Variants in DLC1 observed in about 807,000 individuals in gnomAD.
The protein encoded by DLC1 is DLC1 Rho GTPase activating protein.
Under a neutral mutation model 140.3 loss-of-function variants are expected in DLC1, and 54 were observed. That is an observed-to-expected ratio of 0.38 (90% confidence interval 0.31 to 0.48). The LOEUF is 0.48. Ranked by LOEUF, DLC1 falls within the 20% of genes least tolerant of loss-of-function variation. The pLI is 0.96. For synonymous variants in DLC1, 986 were observed against 728.1 expected, an observed-to-expected ratio of 1.35 and a Z score of -5.70; for missense variants, 2,536 against 1,907.0, an observed-to-expected ratio of 1.33 and a Z score of -6.14.
At chr8:13,465,587 G>T (rs990935172) in intron 2 of DLC1, among the ~76,000 whole-genome samples, 10 of 151,694 alleles carry the variant, frequency 6.6e-5, no homozygotes, top group Admixed American at 6.6e-4. Flanking sequence ...TGGGTTATTT[G>T]TATTTTTTTA....
At chr8:13,350,656 C>T (rs1382707387) in intron 4 of DLC1, among the ~76,000 whole-genome samples, 1 of 152,034 alleles carries the variant, frequency 6.6e-6, no homozygotes, top group Non-Finnish European at 1.5e-5. Flanking sequence ...GCGGAGGTTG[C>T]AGTGAGCCTA....
At chr8:13,194,471 A>C (rs577693024) in intron 5 of DLC1, among the ~76,000 whole-genome samples, 1 of 152,332 alleles carries the variant, frequency 6.6e-6, no homozygotes, top group South Asian at 2.1e-4. Context: ...GTCCTGGAGT[A>C]AAAGAAGGCC....
intron 5 of DLC1, among the ~76,000 whole-genome samples, chr8:13,175,622 C>T (rs75624250): frequency 6.6e-6 from 1 of 152,044 alleles, no homozygotes; most frequent in African/African-American, 2.4e-5. Context: ...AATCACTCAA[C>T]TTCTCTCAAT....
intron 5 of DLC1, among the ~76,000 whole-genome samples, chr8:13,281,014 G>A (rs1034769465): frequency 1.3e-5 from 2 of 152,182 alleles, no homozygotes; most frequent in African/African-American, 4.8e-5. Context: ...CTTCTCCACT[G>A]TGTAGGTATC....
chr8:13,383,922 A>C (rs1255859436), intron 4 of DLC1, among the ~76,000 whole-genome samples: 4 of 152,152 alleles, frequency 2.6e-5, no homozygotes, highest in Non-Finnish European at 5.9e-5. Context: ...CATACAACTA[A>C]GTTGCTCTAA....
chr8:13,472,746 C>T (rs114072740), intron 2 of DLC1, among the ~76,000 whole-genome samples: 1 of 152,288 alleles, frequency 6.6e-6, no homozygotes, highest in South Asian at 2.1e-4. Context: ...AGAAGAAATG[C>T]AGGAATTGAC....
At chr8:13,191,277 C>T (rs138318712) in intron 5 of DLC1, among the ~76,000 whole-genome samples, 1,964 of 152,214 alleles carry the variant, frequency 0.013, 30 homozygotes, top group African/African-American at 0.044. Flanking sequence ...GAGGTGGAGG[C>T]GGGTGGATCA....
chr8:13,477,816 C>T (rs1563381671), intron 2 of DLC1, among the ~76,000 whole-genome samples: 1 of 151,514 alleles, frequency 6.6e-6, no homozygotes. Context: ...TTTCTTTAGT[C>T]ATAACTAGGA....
intron 5 of DLC1, among the ~76,000 whole-genome samples, chr8:13,161,146 A>C (rs1397338955): frequency 6.6e-6 from 1 of 152,164 alleles, no homozygotes. Context: ...TAGGTAACCT[A>C]ATCTAATTAA....
chr8:13,416,788 G>A (rs991548917), intron 2 of DLC1, among the ~76,000 whole-genome samples: 1 of 152,098 alleles, frequency 6.6e-6, no homozygotes, highest in Non-Finnish European at 1.5e-5. Flanking sequence ...AGAGATTCTG[G>A]TTTGACATTT....
In DLC1 at chr8:13,110,808, A is replaced by C; in HGVS notation, c.1436T>G (p.Ile479Ser). 6.2e-7 allele frequency: 1 copy of C among 1,614,120 alleles called. No individual in the cohort carries two copies. Residue 479 changes from isoleucine (I) to serine (S), a missense_variant, in exon 7 of 18, where the codon ATC becomes AGC. Transcript: ENST00000276297. Reference sequence around the variant, plus strand: ...CTCTCTCTTGACCAAGGAAATATCGATGGGGAACAGGAAATCTATGAGAAA... The same window carrying C: ...CTCTCTCTTGACCAAGGAAATATCGCTGGGGAACAGGAAATCTATGAGAAA... ...AQLYEDFLFP[I>S]DISLVKREHD...
intron 2 of DLC1, among the ~76,000 whole-genome samples, chr8:13,453,528 G>A (rs7822683): frequency 7.8e-4 from 25 of 31,874 alleles, no homozygotes; most frequent in African/African-American, 2.3e-3. Flanking sequence ...ATATATATAT[G>A]TATATATATA....
chr8:13,297,376 G>A (rs1024446787), intron 5 of DLC1, among the ~76,000 whole-genome samples: 1 of 148,664 alleles, frequency 6.7e-6, no homozygotes, highest in Non-Finnish European at 1.5e-5. Context: ...AAATAATTTG[G>A]AATGTTGGTC....
chr8:13,158,282 C>G (rs942600141), intron 5 of DLC1, among the ~76,000 whole-genome samples: 3 of 152,122 alleles, frequency 2.0e-5, no homozygotes, highest in Non-Finnish European at 4.4e-5. Flanking sequence ...TTCAGTGAAA[C>G]TTGTTCATCT....
Position 13,572,168 on chromosome 8 carries a change from C to CA in DLC1, c.-126+32368dup. 1.3e-5 allele frequency among the ~76,000 whole-genome samples: 2 copies of CA among 150,936 alleles called. 1 individual carries two copies. The highest frequency in any genetic ancestry group is 1.3e-4 in the Admixed American group (2 of 15,166). On this transcript the variant is annotated intron_variant, in intron 1 of 1. Coordinates refer to the DLC1 transcript ENST00000631382. ...GCAGTGGCACGATCTCGCCTCACTG[C>CA]AAGCTCCACCTCCCGGGTTCACACC...
At chr8:13,188,866 T>G (rs1826576079) in intron 5 of DLC1, among the ~76,000 whole-genome samples, 1 of 119,728 alleles carries the variant, frequency 8.4e-6, no homozygotes, top group Non-Finnish European at 1.7e-5. Context: ...TTTTTTTTTT[T>G]TTTTAGTGGA....
At chr8:13,426,738 C>T (rs1357313815) in intron 2 of DLC1, among the ~76,000 whole-genome samples, 1 of 152,122 alleles carries the variant, frequency 6.6e-6, no homozygotes, top group Non-Finnish European at 1.5e-5. Flanking sequence ...CTTCATATTT[C>T]CTCAGGGTTC....
intron 1 of DLC1, chr8:13,536,139 C>A (rs150606332): frequency 1.7e-3 from 260 of 152,266 alleles, no homozygotes; most frequent in Admixed American, 4.2e-3. Flanking sequence ...GCAGCTCCCC[C>A]TTGTATACTG....
At position 13,324,264 on chromosome 8, in the gene DLC1, C is replaced by G. The variant is rs965574378; in HGVS notation, c.1315-18962G>C. 4.6e-5 allele frequency among the ~76,000 whole-genome samples: 7 copies of G among 152,268 alleles called. No homozygotes were observed. In the East Asian group the frequency reaches 1.2e-3, roughly 25 times the overall value. ...ATTGAGGCATATGTAGTAGACATGT[C>G]TCTAGTGTAATTCTTTAAAATCGGC... On this transcript the variant is annotated intron_variant, in intron 4 of 17. Transcript: ENST00000276297.
Sources: allele counts gnomAD v4.1 joint callset (sites outside exome capture counted in the v4.1 genomes callset), GRCh38; gene constraint gnomAD v4.1.1; transcripts MANE v1.5; gene names NCBI Gene and HGNC (gene_info 2026-07-23, HGNC 2026-07-21).